Variants in STXBP4 observed in about 807,000 individuals in gnomAD.
The protein encoded by STXBP4 is syntaxin-binding protein 4.
In STXBP4, 55 loss-of-function variants were observed where a neutral mutation model predicts 76.1. That is an observed-to-expected ratio of 0.72 (90% confidence interval 0.58 to 0.91). The LOEUF (loss-of-function observed/expected upper bound fraction) is 0.91. STXBP4 is among the 40% of genes least tolerant of loss of function. The pLI, the probability that STXBP4 is intolerant of heterozygous loss-of-function variation, is 0.00. For synonymous variants in STXBP4, 201 were observed against 220.2 expected, an observed-to-expected ratio of 0.91 and a Z score of 0.77; for missense variants, 618 against 636.9, an observed-to-expected ratio of 0.97 and a Z score of 0.32.
intron 1 of STXBP4, among the ~76,000 whole-genome samples, chr17:54,971,108 T>C (rs9897447): frequency 0.28 from 42,690 of 152,154 alleles, 6,252 homozygotes; most frequent in African/African-American, 0.35. Flanking sequence ...TCAAATTTCT[T>C]GTATACCCTT....
chr17:55,020,047 T>G (rs569624387), intron 8 of STXBP4, among the ~76,000 whole-genome samples: 4 of 152,338 alleles, frequency 2.6e-5, no homozygotes, highest in East Asian at 3.9e-4. Flanking sequence ...ATCTGAAGAT[T>G]TATATCTTTT....
At chr17:55,198,462 G>A in the STXBP4 span, among the ~76,000 whole-genome samples, 101 of 152,216 alleles carry the variant, frequency 6.6e-4, 1 homozygote, top group African/African-American at 2.3e-3. Context: ...ACTAATGATA[G>A]AGATCTTAAA....
At chr17:55,032,454 G>A (rs575691031) in intron 9 of STXBP4, among the ~76,000 whole-genome samples, 44 of 152,094 alleles carry the variant, frequency 2.9e-4, no homozygotes, top group Non-Finnish European at 5.0e-4. Context: ...TGAAGATAGA[G>A]GAAAATCACA....
chr17:55,179,788 C>T, the STXBP4 span, among the ~76,000 whole-genome samples: 1 of 152,016 alleles, frequency 6.6e-6, no homozygotes, highest in African/African-American at 2.4e-5. Context: ...ATAGTATAAA[C>T]TATATGTTAC....
At chr17:54,992,235 G>A (rs968361711) in intron 4 of STXBP4, among the ~76,000 whole-genome samples, 2 of 151,808 alleles carry the variant, frequency 1.3e-5, no homozygotes, top group African/African-American at 4.8e-5. Context: ...GCAACGTAGA[G>A]AGACTTGAAT....
At chr17:55,185,350 T>TC in the STXBP4 span, among the ~76,000 whole-genome samples, 36 of 105,428 alleles carry the variant, frequency 3.4e-4, no homozygotes, top group Non-Finnish European at 4.6e-4. Context: ...TCCTCCTCCT[T>TC]CTCCTCCTCC....
At chr17:55,069,949 T>G (rs573451588) in intron 12 of STXBP4, among the ~76,000 whole-genome samples, 1 of 152,246 alleles carries the variant, frequency 6.6e-6, no homozygotes, top group South Asian at 2.1e-4. Flanking sequence ...AGTCTTTTTT[T>G]TTTTAGATTG....
chr17:54,986,350 A>G lies in STXBP4; in HGVS notation c.47+84A>G, dbSNP rs1415739039. 34 of 1,027,132 alleles carry G rather than the reference A, an allele frequency of 3.3e-5. No homozygotes were observed. The East Asian group carries it at 8.6e-4, about 26-fold the overall frequency. The allele number at this position is 1,027,132 out of a possible 1,614,324, so 63.6% of individuals were successfully genotyped here. A position where few individuals can be genotyped will look rare whatever the true frequency, so the allele number is the denominator to read the frequency against. On this transcript the variant is annotated intron_variant, in intron 3 of 17. Transcript: ENST00000376352. ...AACATTTGATTAAAAGTTTTTTTAC[A>G]TCTAGCTCTCTAATGTGGTCTAGGA...
intron 16 of STXBP4, among the ~76,000 whole-genome samples, chr17:55,112,828 C>T (rs901792113): frequency 6.6e-6 from 1 of 151,770 alleles, no homozygotes; most frequent in Non-Finnish European, 1.5e-5. Context: ...GCAGTCAGGA[C>T]GATGGGAGCA....
chr17:54,973,741 C>T (rs1045932422), intron 1 of STXBP4, among the ~76,000 whole-genome samples: 2 of 152,182 alleles, frequency 1.3e-5, no homozygotes, highest in Admixed American at 1.3e-4. Flanking sequence ...GGAATGAGAG[C>T]TCCTCAGGGC....
intron 8 of STXBP4, among the ~76,000 whole-genome samples, chr17:55,028,053 C>A (rs2078445431): frequency 6.6e-6 from 1 of 152,010 alleles, no homozygotes; most frequent in Non-Finnish European, 1.5e-5. Context: ...TGGTTACATT[C>A]AAAAACTGAA....
At chr17:54,981,570 C>A (rs974025390) in intron 1 of STXBP4, among the ~76,000 whole-genome samples, 2 of 151,904 alleles carry the variant, frequency 1.3e-5, no homozygotes, top group Non-Finnish European at 2.9e-5. Flanking sequence ...TGATGGATTC[C>A]AAATGGATCA....
At chr17:55,007,685 T>C (rs2078034931) in intron 8 of STXBP4, 88 bp downstream of exon 8, 2 of 965,244 alleles carry the variant, frequency 2.1e-6, no homozygotes, top group East Asian at 5.4e-5. Context: ...AGTACTGGAG[T>C]CATTAGTTTC....
chr17:55,141,324 TG>T lies in STXBP4; in HGVS notation c.1507del (p.Glu503ArgfsTer16), dbSNP rs1231354020. The T allele has an allele frequency of 2.5e-6, 4 of 1,611,908 alleles. No homozygotes were observed. Among genetic ancestry groups the T allele is most frequent in the Non-Finnish European group, 3.4e-6 (4 of 1,178,906 alleles). On this transcript the variant is annotated frameshift_variant, in exon 17 of 18. Transcript: ENST00000376352. LOFTEE classifies it high-confidence loss of function. ...TTTCACTGTAGGTTTACCTTATGGGTGGGAGGAAGCTTACACAGCAGATGGA... is the reference window on the plus strand; with the variant it reads ...TTTCACTGTAGGTTTACCTTATGGGTGGAGGAAGCTTACACAGCAGATGGA... ...LLDMDCLPYGWEEAYTADGIK... is the reference protein window; with the variant it reads ...LLDMDCLPYGXEEAYTADGIK...
chr17:55,040,558 T>C (rs961961783), intron 10 of STXBP4, among the ~76,000 whole-genome samples: 1 of 152,144 alleles, frequency 6.6e-6, no homozygotes, highest in African/African-American at 2.4e-5. Flanking sequence ...TTATCCAGAA[T>C]TGATACAAGT....
the STXBP4 span, among the ~76,000 whole-genome samples, chr17:55,212,960 G>C: frequency 6.6e-6 from 1 of 152,126 alleles, no homozygotes; most frequent in Non-Finnish European, 1.5e-5. Flanking sequence ...AAGAGTGTAG[G>C]ATGCTTGCTT....
At chr17:55,196,230 C>A in the STXBP4 span, among the ~76,000 whole-genome samples, 89 of 152,240 alleles carry the variant, frequency 5.8e-4, 1 homozygote, top group African/African-American at 1.9e-3. Context: ...TCTTTCTCCC[C>A]TGCAATGGCT....
intron 1 of STXBP4, among the ~76,000 whole-genome samples, chr17:54,971,084 C>A (rs999113025): frequency 6.6e-6 from 1 of 152,124 alleles, no homozygotes; most frequent in Admixed American, 6.5e-5. Context: ...AATATTTCTG[C>A]AACATAATAG....
At position 55,159,832 on chromosome 17, in the gene STXBP4, T is replaced by C. The variant is rs529715937; in HGVS notation, c.1583T>C (p.Val528Ala). 1 of 1,613,806 alleles carries C rather than the reference T, an allele frequency of 6.2e-7. No homozygotes were observed. The highest frequency in any genetic ancestry group is 1.1e-5 in the South Asian group (1 of 91,052). ...CAGACTACATCCTGGATCCATCCCG[T>C]GATGAGTGTCCTGAATCTATCTCGC... ...VTQTTSWIHPVMSVLNLSRSE... is the reference protein window; with the variant it reads ...VTQTTSWIHPAMSVLNLSRSE... Residue 528 changes from valine to alanine, a missense_variant, in exon 18 of 18, where the codon GTG (valine) becomes GCG (alanine). Transcript: ENST00000376352.
Sources: allele counts gnomAD v4.1 joint callset (sites outside exome capture counted in the v4.1 genomes callset), GRCh38; gene constraint gnomAD v4.1.1; transcripts MANE v1.5; gene names NCBI Gene and HGNC (gene_info 2026-07-23, HGNC 2026-07-21).